Variants in MAFF observed in about 807,000 individuals in gnomAD.
MAFF encodes the protein MAF bZIP transcription factor F, also known as transcription factor MafF.
In MAFF, 4 loss-of-function variants were observed where a neutral mutation model predicts 2.7. The observed-to-expected ratio is 1.48, with a 90% CI of 0.73 to 3.39. MAFF has a LOEUF of 3.39. Ranked by LOEUF, MAFF falls within the 30% of genes most tolerant of loss-of-function variation. The pLI is 0.01. For synonymous variants in MAFF, 113 were observed against 119.4 expected, an observed-to-expected ratio of 0.95 and a Z score of 0.35; for missense variants, 190 against 246.6, an observed-to-expected ratio of 0.77 and a Z score of 1.54.
rs1325209726 is a variant in MAFF at position 38,215,093 on chromosome 22, G to A, written c.*215G>A. On this transcript the variant is annotated 3_prime_UTR_variant, in exon 3 of 3. Transcript: ENST00000338483. The stretch of plus-strand genomic sequence containing the variant: ...GGGAACTTGGGTAGGTTGGGGATGG[G>A]GCAGAGGTCTGGATCTGGGATCGCC... 2.0e-6 allele frequency: 1 copy of A among 505,888 alleles called. No homozygotes were observed. Among genetic ancestry groups the A allele is most frequent in the Non-Finnish European group, 3.6e-6 (1 of 275,792 alleles). 31.3% of individuals were successfully genotyped at this position (505,888 alleles called of 1,614,324 possible).
rs1360338054 is a variant in MAFF, at chr22:38,214,700, C to A, written c.317C>A (p.Ala106Glu). The change falls in exon 3 of 3, where the codon GCG becomes GAG. Residue 106 changes from alanine (A) to glutamate (E), a missense_variant. Around this residue, in one of 2 missense-constraint regions of MAFF, gnomAD observed 103 missense variants for 103.0 expected, o/e 1.00. Transcript: ENST00000338483. The surrounding 1 kb of genome is among the most constrained non-coding windows in gnomAD (Gnocchi z 6.3). ...GCCGCCATGCGCCTGGAGCTCGACG[C>A]GCTGCGCGGCAAGTGCGAGGCGCTG... ...ENAAMRLELD[A>E]LRGKCEALQG... 4.5e-6 allele frequency: 7 copies of A among 1,540,490 alleles called. No homozygotes were observed. Among genetic ancestry groups the A allele is most frequent in the Middle Eastern group, 1.9e-4 (1 of 5,246 alleles).
rs138917066 is a variant in MAFF at position 38,204,491 on chromosome 22, T to C, written c.-32+2279T>C. 1.1e-3 allele frequency among the ~76,000 whole-genome samples: 170 copies of C among 152,280 alleles called. 2 individuals carry two copies. The highest frequency in any genetic ancestry group is 3.8e-3 in the African/African-American group (157 of 41,554). ...ACAGAGCCTGGAACATAGTAGGTGCTTCTTGGATGTTTGCTGATTGAATGA... is the reference window on the plus strand; with the variant it reads ...ACAGAGCCTGGAACATAGTAGGTGCCTCTTGGATGTTTGCTGATTGAATGA... On this transcript the variant is annotated intron_variant, in intron 1 of 2. Transcript: ENST00000338483.
chr22:38,214,369 C>G lies in MAFF; in HGVS notation c.37-51C>G, dbSNP rs1602337800. 1 of 1,481,530 alleles carries G rather than the reference C, an allele frequency of 6.7e-7. No homozygotes were observed. The highest frequency in any genetic ancestry group is 1.4e-5 in the African/African-American group (1 of 71,248). The allele number at this position is 1,481,530 out of a possible 1,614,324, so 91.8% of individuals were successfully genotyped here. On this transcript the variant is annotated intron_variant, in intron 2 of 2. Transcript: ENST00000338483. The surrounding 1 kb of genome is among the most constrained non-coding windows in gnomAD (Gnocchi z 6.3). The stretch of plus-strand genomic sequence containing the variant: ...TGAAAGAGGAACACCGCGGGTGGAG[C>G]GGGGGGGCCCGTCCCCAGTCCCCTG...
At chr22:38,204,728 T>C (rs2091039014) in intron 1 of MAFF, among the ~76,000 whole-genome samples, 1 of 152,154 alleles carries the variant, frequency 6.6e-6, no homozygotes, top group Non-Finnish European at 1.5e-5. Flanking sequence ...CATTCAGGGA[T>C]AGTAGAATTT....
At position 38,214,984 on chromosome 22, in the gene MAFF, G is replaced by A; in HGVS notation, c.*106G>A. ...CAGGTCCCATTTCTCTGCAGCACTGGCCCCTTGGTGCACACACATTCCCTT... is the reference window on the plus strand; with the variant it reads ...CAGGTCCCATTTCTCTGCAGCACTGACCCCTTGGTGCACACACATTCCCTT... On this transcript the variant is annotated 3_prime_UTR_variant, in exon 3 of 3. Coordinates refer to ENST00000338483, the MANE Select transcript of MAFF (RefSeq NM_012323.4). The surrounding 1 kb of genome is among the most constrained non-coding windows in gnomAD (Gnocchi z 6.3). The A allele has an allele frequency of 1.2e-6, 1 of 826,596 alleles. No individual in the cohort carries two copies. Among genetic ancestry groups the A allele is most frequent in the Non-Finnish European group, 2.0e-6 (1 of 508,494 alleles). The allele number at this position is 826,596 out of a possible 1,614,324, so 51.2% of individuals were successfully genotyped here.
chr22:38,210,146 G>T (rs1226489634), intron 1 of MAFF, among the ~76,000 whole-genome samples: 2 of 152,196 alleles, frequency 1.3e-5, no homozygotes, highest in African/African-American at 4.8e-5. Flanking sequence ...CCGCACAGGG[G>T]TCTAAAGCTG....
rs1326827219 is a variant in MAFF, at chr22:38,215,016, C to T, written c.*138C>T. The T allele has an allele frequency of 1.2e-5, 8 of 685,362 alleles. No homozygotes were observed. In the Admixed American group the frequency reaches 1.3e-4, roughly 11 times the overall value. The allele number at this position is 685,362 out of a possible 1,614,324, so 42.5% of individuals were successfully genotyped here. A position where few individuals can be genotyped will look rare whatever the true frequency, so the allele number is the denominator to read the frequency against. On this transcript the variant is annotated 3_prime_UTR_variant, in exon 3 of 3. Transcript: ENST00000338483. The stretch of plus-strand genomic sequence containing the variant: ...GGTGCACACACATTCCCTTCGTGGG[C>T]CCTGTCTTCCTCTTGCAGCCCCCCA...
At chr22:38,213,537 G>C (rs2091118037) in intron 1 of MAFF, 2 of 511,444 alleles carry the variant, frequency 3.9e-6, no homozygotes, top group East Asian at 4.6e-5. Flanking sequence ...CGTTTAGCCA[G>C]AATGGTCAAA....
chr22:38,212,294 C>A (rs1378712512), intron 1 of MAFF, among the ~76,000 whole-genome samples: 3 of 152,236 alleles, frequency 2.0e-5, no homozygotes, highest in South Asian at 2.1e-4. Context: ...AGCCACCGCG[C>A]CCAGCCTATC....
intron 1 of MAFF, among the ~76,000 whole-genome samples, chr22:38,209,522 C>CA (rs1355999349): frequency 2.0e-5 from 3 of 151,962 alleles, no homozygotes; most frequent in African/African-American, 7.3e-5. Flanking sequence ...ACTTAAGAGG[C>CA]CTGCATTGGG....
At position 38,207,443 on chromosome 22, in the gene MAFF, T is replaced by C. The variant is rs1263733774; in HGVS notation, c.-32+5231T>C. On this transcript the variant is annotated intron_variant, in intron 1 of 2. Transcript: ENST00000338483. Reference sequence around the variant, plus strand: ...GCCATCTTTTTTTTTTTTTTTTTTTTTTTTTTTTTTTTTTTGAGACAGAGT... The same window carrying C: ...GCCATCTTTTTTTTTTTTTTTTTTTCTTTTTTTTTTTTTTTGAGACAGAGT... Among the ~76,000 whole-genome samples the C allele has an allele frequency of 3.8e-4, 46 of 120,568 alleles. 2 individuals carry two copies. Among genetic ancestry groups the C allele is most frequent in the Non-Finnish European group, 5.2e-4 (30 of 57,504 alleles). 79.1% of individuals were successfully genotyped at this position (120,568 alleles called of 152,430 possible).
In MAFF at chr22:38,214,084, G is replaced by A. The variant is rs1007178836; in HGVS notation, c.36+195G>A. Reference sequence around the variant, plus strand: ...CCTGGGCTCTGGTCACAGGCTGCATGTCCCTGGGGTAGGTCACTTCCCTCT... The same window carrying A: ...CCTGGGCTCTGGTCACAGGCTGCATATCCCTGGGGTAGGTCACTTCCCTCT... On this transcript the variant is annotated intron_variant, in intron 2 of 2. Transcript: ENST00000338483. This position sits in a 1 kb window ranked among gnomAD's most constrained non-coding sequence, Gnocchi z 6.3. Among the ~76,000 whole-genome samples the A allele has an allele frequency of 5.3e-5, 8 of 152,248 alleles. No individual in the cohort carries two copies. The highest frequency in any genetic ancestry group is 1.0e-4 in the Non-Finnish European group (7 of 68,050).
rs2091121882 is a variant in MAFF at position 38,213,884 on chromosome 22, C to T, written c.31C>T (p.Leu11=). 1.2e-6 allele frequency: 2 copies of T among 1,614,082 alleles called. No individual in the cohort carries two copies. Among genetic ancestry groups the T allele is most frequent in the South Asian group, 1.1e-5 (1 of 91,090 alleles). MSVDPLSSKA[L]KIKRELSENT... ...TGTGGATCCCCTATCCAGCAAAGCT[C>T]TAAAGGTGAGGAGGCAGCCTCTGTC... The change falls in exon 2 of 3, where the codon CTA becomes TTA. Residue 11 remains leucine (L), a synonymous_variant. Coordinates refer to ENST00000338483, the MANE Select transcript of MAFF (RefSeq NM_012323.4).
At position 38,204,643 on chromosome 22, in the gene MAFF, C is replaced by T. The variant is rs142823166; in HGVS notation, c.-32+2431C>T. Among the ~76,000 whole-genome samples, 165 of 152,298 alleles carry T rather than the reference C, an allele frequency of 1.1e-3. 2 individuals carry two copies. Among genetic ancestry groups the T allele is most frequent in the African/African-American group, 3.7e-3 (152 of 41,564 alleles). ...CTTGAAGCAGTCTCCCAAAAGCGAG[C>T]AAATCCTTCAGGACTCAGGCAACTT... On this transcript the variant is annotated intron_variant, in intron 1 of 2. Transcript: ENST00000338483.
chr22:38,210,360 T>C (rs1346073916), intron 1 of MAFF, among the ~76,000 whole-genome samples: 3 of 151,640 alleles, frequency 2.0e-5, no homozygotes, highest in Non-Finnish European at 4.4e-5. Flanking sequence ...AGCTGGGGAG[T>C]TTCCTGAGAA....
At chr22:38,213,645 C>A in intron 1 of MAFF, 178 bp from the exon 2 acceptor site, 1 of 682,428 alleles carries the variant, frequency 1.5e-6, no homozygotes. Flanking sequence ...GCACAGCTCC[C>A]GCGGCTGGAA....
rs1323382022 is a variant in MAFF, at chr22:38,214,689, G to A, written c.306G>A (p.Leu102=). 1 of 1,544,692 alleles carries A rather than the reference G, an allele frequency of 6.5e-7. No individual in the cohort carries two copies. Among genetic ancestry groups the A allele is most frequent in the East Asian group, 2.4e-5 (1 of 40,846 alleles). The change falls in exon 3 of 3, where the codon CTG becomes CTA. Residue 102 remains leucine, a synonymous_variant. Coordinates refer to ENST00000338483, the MANE Select transcript of MAFF (RefSeq NM_012323.4). The surrounding 1 kb of genome is among the most constrained non-coding windows in gnomAD (Gnocchi z 6.3). ...CGCGCGAGAACGCCGCCATGCGCCT[G>A]GAGCTCGACGCGCTGCGCGGCAAGT... ...KLARENAAMR[L]ELDALRGKCE...
intron 1 of MAFF, among the ~76,000 whole-genome samples, chr22:38,207,960 C>G (rs1200669631): frequency 1.3e-5 from 2 of 152,166 alleles, no homozygotes; most frequent in Non-Finnish European, 2.9e-5. Context: ...GCCTTTGCAG[C>G]TATTCATTCA....
chr22:38,206,388 C>A (rs1051050283), intron 1 of MAFF, among the ~76,000 whole-genome samples: 1 of 143,820 alleles, frequency 7.0e-6, no homozygotes, highest in Non-Finnish European at 1.5e-5. Flanking sequence ...GTTGCCCAGG[C>A]TGGAGTCCAG....
Sources: allele counts gnomAD v4.1 joint callset (sites outside exome capture counted in the v4.1 genomes callset), GRCh38; gene constraint gnomAD v4.1.1; regional missense constraint gnomAD v4.1.1; non-coding constraint Gnocchi (gnomAD v3.1); transcripts MANE v1.5; gene names NCBI Gene and HGNC (gene_info 2026-07-23, HGNC 2026-07-21).